The following CCNF variants were observed in gnomAD, a reference collection of about 807,000 sequenced individuals.
CCNF encodes cyclin F.
A neutral mutation model predicts 85.4 loss-of-function variants in CCNF; 30 were observed. The observed-to-expected ratio is 0.35, with a 90% CI of 0.26 to 0.48. CCNF has a LOEUF of 0.48. Among genes scored for constraint, CCNF ranks in the 20% least tolerant of loss-of-function variants. The pLI, the probability that CCNF is intolerant of heterozygous loss-of-function variation, is 0.99. For missense variants in CCNF, 919 were observed against 1,010.4 expected, an observed-to-expected ratio of 0.91 and a Z score of 1.23; for synonymous variants, 439 against 425.1, an observed-to-expected ratio of 1.03 and a Z score of -0.40.
At chr16:2,441,901 T>G (rs778941605) in intron 8 of CCNF, among the ~76,000 whole-genome samples, 28 of 138,850 alleles carry the variant, frequency 2.0e-4, no homozygotes, top group Non-Finnish European at 3.8e-4. Flanking sequence ...GAGTGCACTT[T>G]TAAATGAGAT....
chr16:2,448,826 C>T (rs760154270), intron 10 of CCNF, 29 bp from the exon 11 acceptor site: 13 of 1,607,944 alleles, frequency 8.1e-6, no homozygotes, highest in African/African-American at 6.7e-5. Flanking sequence ...AAGTGGGCTC[C>T]ACCCTGAGAC....
intron 10 of CCNF, among the ~76,000 whole-genome samples, chr16:2,446,201 A>G (rs904562181): frequency 6.6e-6 from 1 of 151,956 alleles, no homozygotes; most frequent in Non-Finnish European, 1.5e-5. Flanking sequence ...CTCAGGACCC[A>G]AAGTGTGGCC....
rs771891105 is a variant in CCNF, at chr16:2,449,106, C to G, written c.1218+128C>G. On this transcript the variant is annotated intron_variant, in intron 11 of 16. Coordinates refer to ENST00000397066, the MANE Select transcript of CCNF (RefSeq NM_001761.3). Reference sequence around the variant, plus strand: ...AGAGAGCAGCTGTCTCTGCTGTGCCCAAAGCCATGGAGCAGGAGGCCACGG... The same window carrying G: ...AGAGAGCAGCTGTCTCTGCTGTGCCGAAAGCCATGGAGCAGGAGGCCACGG... The G allele has an allele frequency of 1.0e-5, 15 of 1,485,480 alleles. No individual in the cohort carries two copies. In the Admixed American group the frequency reaches 2.2e-4, roughly 22 times the overall value. The allele number at this position is 1,485,480 out of a possible 1,614,324, so 92.0% of individuals were successfully genotyped here.
chr16:2,457,228 C>A lies in CCNF; in HGVS notation c.*208C>A. On this transcript the variant is annotated 3_prime_UTR_variant, in exon 17 of 17. Transcript: ENST00000397066. Reference sequence around the variant, plus strand: ...ATGAGGGTGAAGAGCTCAGATCCCTCTCTTTGGAAAGTTTAGCCTGGAAGC... The same window carrying A: ...ATGAGGGTGAAGAGCTCAGATCCCTATCTTTGGAAAGTTTAGCCTGGAAGC... The A allele has an allele frequency of 1.9e-6, 1 of 515,132 alleles. No homozygotes were observed. The highest frequency in any genetic ancestry group is 3.4e-6 in the Non-Finnish European group (1 of 292,866). 31.9% of individuals were successfully genotyped at this position (515,132 alleles called of 1,614,324 possible). A position where few individuals can be genotyped will look rare whatever the true frequency, so the allele number is the denominator to read the frequency against.
Position 2,452,827 on chromosome 16 carries a change from C to T in CCNF, c.1488-383C>T, listed in dbSNP as rs1432958744. The T allele has an allele frequency of 2.4e-5, 6 of 245,908 alleles. No homozygotes were observed. The highest frequency in any genetic ancestry group is 1.0e-4 in the East Asian group (1 of 9,546). The allele number at this position is 245,908 out of a possible 1,614,324, so 15.2% of individuals were successfully genotyped here. A position where few individuals can be genotyped will look rare whatever the true frequency, so the allele number is the denominator to read the frequency against. Reference sequence around the variant, plus strand: ...CCTTCTGTGTCTAGGTGATTTCCCTCGCGGTAACGTTTGCTGGGTTTGTCC... The same window carrying T: ...CCTTCTGTGTCTAGGTGATTTCCCTTGCGGTAACGTTTGCTGGGTTTGTCC... On this transcript the variant is annotated intron_variant, in intron 13 of 16. Transcript: ENST00000397066. This position sits in a 1 kb window ranked among gnomAD's most constrained non-coding sequence, Gnocchi z 4.1.
Position 2,453,615 on chromosome 16 carries a change from A to C in CCNF, c.1715+78A>C. 6.4e-7 allele frequency: 1 copy of C among 1,566,376 alleles called. No homozygotes were observed. The highest frequency in any genetic ancestry group is 8.7e-7 in the Non-Finnish European group (1 of 1,146,200). On this transcript the variant is annotated intron_variant, in intron 15 of 16. Coordinates refer to ENST00000397066, the MANE Select transcript of CCNF (RefSeq NM_001761.3). The surrounding 1 kb of genome is among the most constrained non-coding windows in gnomAD (Gnocchi z 5.6). ...GGCCCAGTTCCCTCAGCGCTTCCTC[A>C]CACAGAGAGGCCCCCAAGGCTTGTC...
At chr16:2,454,395 A>C (rs1044054092) in intron 15 of CCNF, among the ~76,000 whole-genome samples, 6 of 152,202 alleles carry the variant, frequency 3.9e-5, no homozygotes, top group Non-Finnish European at 7.3e-5. Context: ...CATCACGAGG[A>C]AAGTCCATGC....
chr16:2,449,582 T>C, intron 12 of CCNF, 120 bp downstream of exon 12: 1 of 1,000,810 alleles, frequency 1.0e-6, no homozygotes, highest in Non-Finnish European at 1.4e-6. Context: ...GGGGGTGAGA[T>C]ACAGCACGGC....
intron 3 of CCNF, among the ~76,000 whole-genome samples, chr16:2,433,809 C>A (rs2065274341): frequency 6.6e-6 from 1 of 152,142 alleles, no homozygotes; most frequent in South Asian, 2.1e-4. Flanking sequence ...TGGTCTCGAT[C>A]TCCTGACCTC....
At position 2,431,133 on chromosome 16, in the gene CCNF, T is replaced by A. The variant is rs982770088; in HGVS notation, c.20T>A (p.Val7Asp). ...CTTCTGTCTTTTTTTCCTTCAGTGGTCCACTGTAGGTGTGCCAAGTGTTTC... is the reference window on the plus strand; with the variant it reads ...CTTCTGTCTTTTTTTCCTTCAGTGGACCACTGTAGGTGTGCCAAGTGTTTC... MGSGGV[V>D]HCRCAKCFCY... Residue 7 changes from valine (V) to aspartate (D), a missense_variant, in exon 2 of 17, where the codon GTC (valine) becomes GAC (aspartate). Physicochemically the swap from Val to Asp is radical, Grantham distance 152. Coordinates refer to ENST00000397066, the MANE Select transcript of CCNF (RefSeq NM_001761.3). 3.7e-6 allele frequency: 6 copies of A among 1,613,648 alleles called. No homozygotes were observed. The highest frequency in any genetic ancestry group is 5.1e-6 in the Non-Finnish European group (6 of 1,179,854).
At chr16:2,447,082 C>T (rs1269646015) in intron 10 of CCNF, among the ~76,000 whole-genome samples, 1 of 152,166 alleles carries the variant, frequency 6.6e-6, no homozygotes, top group Non-Finnish European at 1.5e-5. Context: ...GGCCGCCTCC[C>T]TGGATCTGAC....
chr16:2,455,679 G>A, intron 16 of CCNF, 115 bp downstream of exon 16: 2 of 1,412,428 alleles, frequency 1.4e-6, no homozygotes, highest in South Asian at 1.7e-5. Context: ...TGTGCACAGA[G>A]TGCGGGGTGG....
At chr16:2,442,865 TA>T (rs2065337836) in intron 8 of CCNF, among the ~76,000 whole-genome samples, 1 of 41,256 alleles carries the variant, frequency 2.4e-5, no homozygotes, top group African/African-American at 1.9e-4. Flanking sequence ...TATATTATAT[TA>T]TATATATTAT....
Position 2,432,916 on chromosome 16 carries a change from G to T in CCNF, c.172-45G>T, listed in dbSNP as rs571706507. ...AAGAGCCTCCAGGTGTGGGGCTTTT[G>T]GGTGGTGCCTCCATCACCCAGCCCC... On this transcript the variant is annotated intron_variant, in intron 2 of 16. Coordinates refer to ENST00000397066, the MANE Select transcript of CCNF (RefSeq NM_001761.3). The T allele has an allele frequency of 6.6e-6, 8 of 1,220,366 alleles. No individual in the cohort carries two copies. In the African/African-American group the frequency reaches 8.9e-5, roughly 14 times the overall value. 75.6% of individuals were successfully genotyped at this position (1,220,366 alleles called of 1,614,324 possible).
intron 5 of CCNF, 156 bp from the exon 6 acceptor site, chr16:2,437,903 TAAAAAAAAAAA>T (rs34068510): frequency 9.7e-6 from 4 of 410,486 alleles, no homozygotes; most frequent in Admixed American, 3.9e-5. Flanking sequence ...TGTTTCCCTT[TAAAAAAAAAAA>T]AAAAAAAAGA....
chr16:2,441,120 G>C (rs1019376030), intron 8 of CCNF, among the ~76,000 whole-genome samples: 8 of 152,262 alleles, frequency 5.3e-5, no homozygotes, highest in African/African-American at 1.9e-4. Flanking sequence ...TAGAGTCCCA[G>C]CTACGCGGGA....
At position 2,451,246 on chromosome 16, in the gene CCNF, G is replaced by A. The variant is rs374039070; in HGVS notation, c.1487+1331G>A. On this transcript the variant is annotated intron_variant, in intron 13 of 16. Coordinates refer to ENST00000397066, the MANE Select transcript of CCNF (RefSeq NM_001761.3). The surrounding 1 kb of genome is among the most constrained non-coding windows in gnomAD (Gnocchi z 4.3). ...GGCGCGCGGGGCAGGTGGCGCGGGC[G>A]GGGGCGACTCCCTTCAGGGAGCGTA... Among the ~76,000 whole-genome samples the A allele has an allele frequency of 1.1e-3, 171 of 152,332 alleles. 5 individuals are homozygous for A. In the East Asian group the frequency reaches 0.027, roughly 24 times the overall value.
intron 15 of CCNF, among the ~76,000 whole-genome samples, chr16:2,454,644 T>C (rs1224730736): frequency 6.6e-6 from 1 of 152,220 alleles, no homozygotes; most frequent in African/African-American, 2.4e-5. Flanking sequence ...CACACTGGCC[T>C]CTAGCCCCAT....
chr16:2,437,650 A>G (rs910382260), intron 5 of CCNF: 4 of 332,322 alleles, frequency 1.2e-5, no homozygotes, highest in Non-Finnish European at 2.2e-5. Context: ...GCACTTTGGG[A>G]GGCCGAGGCT....
Sources: allele counts gnomAD v4.1 joint callset (sites outside exome capture counted in the v4.1 genomes callset), GRCh38; gene constraint gnomAD v4.1.1; non-coding constraint Gnocchi (gnomAD v3.1); transcripts MANE v1.5; gene names NCBI Gene and HGNC (gene_info 2026-07-23, HGNC 2026-07-21).